GRID1: variants seen among roughly 807,000 people sequenced by gnomAD.
The protein encoded by GRID1 is glutamate receptor ionotropic, delta-1.
In GRID1, 28 loss-of-function variants were observed where a neutral mutation model predicts 98.0. That is an observed-to-expected ratio of 0.29 (90% CI 0.21 to 0.39). GRID1 has a LOEUF of 0.39. Among genes scored for constraint, GRID1 ranks in the 10% least tolerant of loss-of-function variants. The pLI, the probability that GRID1 is intolerant of heterozygous loss-of-function variation, is 1.00. For missense variants in GRID1, 1,111 were observed against 1,340.5 expected (o/e 0.83, Z 2.67); for synonymous variants, 553 against 538.5 (o/e 1.03, Z -0.37).
chr10:86,086,476 G>A (rs80336350), intron 4 of GRID1, among the ~76,000 whole-genome samples: 26 of 152,304 alleles, frequency 1.7e-4, no homozygotes, highest in Middle Eastern at 3.4e-3. Flanking sequence ...TGAGGAAAGC[G>A]AGCCCAGGGA....
intron 8 of GRID1, among the ~76,000 whole-genome samples, chr10:85,761,345 G>A (rs1016739867): frequency 1.1e-4 from 17 of 152,170 alleles, no homozygotes; most frequent in Admixed American, 1.3e-4. Context: ...CACAATTAGG[G>A]ATGTGTAGAG....
intron 4 of GRID1, among the ~76,000 whole-genome samples, chr10:85,998,159 T>A (rs1842762622): frequency 6.6e-6 from 1 of 152,164 alleles, no homozygotes; most frequent in South Asian, 2.1e-4. Context: ...CTTATTGACA[T>A]TTATAGAATA....
At chr10:86,210,124 A>G (rs77731489) in intron 2 of GRID1, among the ~76,000 whole-genome samples, 4,093 of 152,298 alleles carry the variant, frequency 0.027, 85 homozygotes, top group Admixed American at 0.047. Flanking sequence ...CCTGGGACAC[A>G]GAGGAGGGTA....
chr10:85,630,344 A>G (rs1842961614), intron 13 of GRID1, among the ~76,000 whole-genome samples: 1 of 152,216 alleles, frequency 6.6e-6, no homozygotes, highest in Admixed American at 6.5e-5. Flanking sequence ...CACTTGTCAC[A>G]GGAAAAGACA....
chr10:86,121,518 TACCATCATC>T (rs1459540146), intron 4 of GRID1, among the ~76,000 whole-genome samples: 3 of 2,694 alleles, frequency 1.1e-3, no homozygotes, highest in Non-Finnish European at 2.4e-3. Context: ...TCATCATCAC[TACCATCATC>T]ACCATCATCA....
intron 8 of GRID1, among the ~76,000 whole-genome samples, chr10:85,739,426 A>G (rs1050729762): frequency 4.6e-5 from 7 of 151,966 alleles, no homozygotes; most frequent in Non-Finnish European, 1.0e-4. Context: ...AAAATAAACA[A>G]ATAAAAAAAA....
intron 4 of GRID1, among the ~76,000 whole-genome samples, chr10:86,109,671 C>T (rs1331174881): frequency 6.6e-6 from 1 of 152,204 alleles, no homozygotes; most frequent in African/African-American, 2.4e-5. Context: ...GATGTTTAAG[C>T]ATCTCATTGA....
chr10:85,856,247 G>C (rs1340668680), intron 6 of GRID1, 57 bp from the exon 7 acceptor site: 1 of 1,502,672 alleles, frequency 6.7e-7, no homozygotes, highest in Non-Finnish European at 9.2e-7. Context: ...GAGAGCTTTG[G>C]AGAAACCCAC....
chr10:85,851,499 G>T (rs1240585030), intron 8 of GRID1, among the ~76,000 whole-genome samples: 1 of 152,150 alleles, frequency 6.6e-6, no homozygotes, highest in Non-Finnish European at 1.5e-5. Flanking sequence ...CAATGAAGGG[G>T]CTGAGTAATC....
At chr10:85,868,450 A>C (rs1843243916) in intron 6 of GRID1, among the ~76,000 whole-genome samples, 2 of 152,296 alleles carry the variant, frequency 1.3e-5, no homozygotes, top group Non-Finnish European at 2.9e-5. Flanking sequence ...GACCAGAAAC[A>C]CTTGGTACCT....
At chr10:85,611,036 A>T (rs921684423) in intron 15 of GRID1, among the ~76,000 whole-genome samples, 1 of 152,176 alleles carries the variant, frequency 6.6e-6, no homozygotes, top group African/African-American at 2.4e-5. Context: ...GAGATCCTGG[A>T]CTTATGCAGA....
chr10:85,803,566 AAATT>A (rs1842596295), intron 8 of GRID1, among the ~76,000 whole-genome samples: 1 of 152,074 alleles, frequency 6.6e-6, no homozygotes, highest in Non-Finnish European at 1.5e-5. Context: ...GACCAAAACA[AAATT>A]AATTAATAAA....
intron 4 of GRID1, among the ~76,000 whole-genome samples, chr10:86,100,710 A>G (rs980776405): frequency 6.6e-6 from 1 of 152,210 alleles, no homozygotes; most frequent in African/African-American, 2.4e-5. Flanking sequence ...GCTGTAGCCA[A>G]TGGGATGTTA....
In GRID1 at chr10:85,655,765, G is replaced by A. The variant is rs999464320; in HGVS notation, c.1998-8368C>T. Among the ~76,000 whole-genome samples the A allele has an allele frequency of 4.6e-5, 7 of 152,172 alleles. No individual in the cohort carries two copies. In the East Asian group the frequency reaches 5.8e-4, roughly 13 times the overall value. On this transcript the variant is annotated intron_variant, in intron 12 of 15. Coordinates refer to ENST00000327946, the MANE Select transcript of GRID1 (RefSeq NM_017551.3). ...TGCTTTTCTAGAGAACTCCCTTCTC[G>A]AAAACTAGTGAATAGTTGCCTTCCA... is the stretch of plus-strand genomic sequence containing the variant.
chr10:85,948,195 C>T (rs1842076996), intron 4 of GRID1, among the ~76,000 whole-genome samples: 1 of 152,200 alleles, frequency 6.6e-6, no homozygotes, highest in Non-Finnish European at 1.5e-5. Context: ...ATGAGATAAT[C>T]AACATCAAGG....
intron 4 of GRID1, among the ~76,000 whole-genome samples, chr10:86,038,725 C>G (rs2131897534): frequency 6.6e-6 from 1 of 152,344 alleles, no homozygotes; most frequent in East Asian, 1.9e-4. Context: ...CTCAGTCCTT[C>G]TAAATATCCC....
chr10:86,159,832 C>A (rs550409629), intron 3 of GRID1, among the ~76,000 whole-genome samples: 5 of 152,156 alleles, frequency 3.3e-5, no homozygotes, highest in Non-Finnish European at 2.9e-5. Context: ...GGGATGATAA[C>A]AAAGCCAACC....
intron 12 of GRID1, among the ~76,000 whole-genome samples, chr10:85,700,741 C>A (rs1231950482): frequency 6.6e-6 from 1 of 152,032 alleles, no homozygotes; most frequent in African/African-American, 2.4e-5. Context: ...CATACTCAAC[C>A]CCAAAGAAAA....
chr10:86,210,605 G>C (rs1010554569), intron 2 of GRID1, among the ~76,000 whole-genome samples: 1 of 152,158 alleles, frequency 6.6e-6, no homozygotes, highest in Non-Finnish European at 1.5e-5. Flanking sequence ...CGCCCTCCCC[G>C]TGGAGGTGAG....
Sources: gnomAD v4.1 joint callset for allele counts (sites outside exome capture counted in the v4.1 genomes callset) on GRCh38, gnomAD v4.1.1 for gene constraint, MANE v1.5 for transcripts, NCBI Gene and HGNC (gene_info 2026-07-23, HGNC 2026-07-21) for gene names.